The following ZNF385D variants were observed in gnomAD, a reference collection of about 807,000 sequenced individuals.
The protein encoded by ZNF385D is zinc finger protein 385D.
ZNF385D carries 15 observed loss-of-function variants against 35.8 expected under a neutral mutation model. The observed-to-expected ratio is 0.42, with a 90% CI of 0.28 to 0.64. ZNF385D has a LOEUF of 0.64. Among genes scored for constraint, ZNF385D ranks in the 30% least tolerant of loss-of-function variants. ZNF385D has a pLI of 0.23. For missense variants in ZNF385D, 474 were observed against 494.6 expected (o/e 0.96, Z 0.39); for synonymous variants, 212 against 186.8 (o/e 1.13, Z -1.10).
chr3:21,944,917 G>T (rs1701700586), intron 3 of ZNF385D, among the ~76,000 whole-genome samples: 1 of 152,034 alleles, frequency 6.6e-6, no homozygotes, highest in Non-Finnish European at 1.5e-5. Flanking sequence ...GAGCAGTACA[G>T]TTGAGTACTT....
At chr3:22,272,227 C>T (rs115851617) in intron 2 of ZNF385D, among the ~76,000 whole-genome samples, 1 of 152,030 alleles carries the variant, frequency 6.6e-6, no homozygotes, top group Admixed American at 6.6e-5. Flanking sequence ...TCCTGACCAC[C>T]TTATCCTTTA....
chr3:22,039,859 C>G (rs1576207465), intron 3 of ZNF385D, among the ~76,000 whole-genome samples: 2 of 152,118 alleles, frequency 1.3e-5, no homozygotes, highest in African/African-American at 4.8e-5. Context: ...CCACCCTTTT[C>G]TATGACTGAA....
chr3:22,349,299 A>G (rs927913227), intron 2 of ZNF385D, among the ~76,000 whole-genome samples: 1 of 152,206 alleles, frequency 6.6e-6, no homozygotes, highest in Non-Finnish European at 1.5e-5. Context: ...TAATTACAGT[A>G]TGAATTACTT....
At chr3:22,037,464 G>C (rs1698401173) in intron 3 of ZNF385D, among the ~76,000 whole-genome samples, 1 of 152,108 alleles carries the variant, frequency 6.6e-6, no homozygotes. Context: ...GATGGCCAGT[G>C]ATGATGAGCA....
intron 3 of ZNF385D, among the ~76,000 whole-genome samples, chr3:21,889,184 C>G (rs993903577): frequency 1.3e-5 from 2 of 152,154 alleles, no homozygotes; most frequent in African/African-American, 4.8e-5. Context: ...TAGAGAATAC[C>G]TGAAGCAGCT....
At chr3:22,317,720 T>C (rs966794512) in intron 2 of ZNF385D, among the ~76,000 whole-genome samples, 5 of 152,186 alleles carry the variant, frequency 3.3e-5, no homozygotes, top group Non-Finnish European at 5.9e-5. Context: ...GTCTGTAATT[T>C]TCCCCCATGC....
chr3:21,949,554 C>CTTTTTTTTTTTTTCTTTCTTTTTTTTTTT (rs1701960894), intron 3 of ZNF385D, among the ~76,000 whole-genome samples: 1 of 112,914 alleles, frequency 8.9e-6, no homozygotes, highest in Non-Finnish European at 1.8e-5. Context: ...TTCTTTCTTT[C>CTTTTTTTTTTTTTCTTTCTTTTTTTTTTT]TTTTTTTTTT....
At chr3:21,889,593 GA>G (rs1157567803) in intron 3 of ZNF385D, among the ~76,000 whole-genome samples, 2 of 151,720 alleles carry the variant, frequency 1.3e-5, no homozygotes, top group South Asian at 2.1e-4. Context: ...ACTTTCTTCA[GA>G]AAAAAAACTG....
chr3:21,807,056 G>A (rs2072683465), intron 3 of ZNF385D, among the ~76,000 whole-genome samples: 1 of 151,988 alleles, frequency 6.6e-6, no homozygotes, highest in African/African-American at 2.4e-5. Flanking sequence ...CCAGAAGAGA[G>A]AAAGAAGGAG....
At chr3:21,630,345 A>T (rs1402292239) in intron 2 of ZNF385D, among the ~76,000 whole-genome samples, 1 of 151,886 alleles carries the variant, frequency 6.6e-6, no homozygotes, top group East Asian at 1.9e-4. Context: ...AGCTGGGATT[A>T]CAGGCATGTG....
chr3:22,198,907 G>A (rs1183127304), intron 2 of ZNF385D, among the ~76,000 whole-genome samples: 1 of 152,074 alleles, frequency 6.6e-6, no homozygotes, highest in Non-Finnish European at 1.5e-5. Context: ...CTGAAGGAGT[G>A]AGCAGCAACT....
chr3:22,057,237 A>AT (rs1205330889), intron 3 of ZNF385D, among the ~76,000 whole-genome samples: 1 of 152,224 alleles, frequency 6.6e-6, no homozygotes, highest in African/African-American at 2.4e-5. Flanking sequence ...GCCTCAGTTT[A>AT]TCTGTTTATG....
At chr3:22,222,023 C>A (rs796990207) in intron 2 of ZNF385D, among the ~76,000 whole-genome samples, 2 of 151,972 alleles carry the variant, frequency 1.3e-5, no homozygotes, top group African/African-American at 2.4e-5. Flanking sequence ...ATCGTCCAGG[C>A]TGGAGTGCAG....
intron 3 of ZNF385D, among the ~76,000 whole-genome samples, chr3:21,894,400 G>C (rs1379770646): frequency 6.6e-6 from 1 of 152,084 alleles, no homozygotes; most frequent in Admixed American, 6.6e-5. Context: ...AAATTTTTGA[G>C]CAAATGTTTG....
intron 1 of ZNF385D, among the ~76,000 whole-genome samples, chr3:21,718,633 T>C (rs2068420630): frequency 6.6e-6 from 1 of 152,232 alleles, no homozygotes; most frequent in Non-Finnish European, 1.5e-5. Flanking sequence ...CTAAATAGCT[T>C]GTTAGTGGCA....
intron 2 of ZNF385D, among the ~76,000 whole-genome samples, chr3:22,247,122 A>C (rs1699826585): frequency 6.6e-6 from 1 of 152,138 alleles, no homozygotes; most frequent in Admixed American, 6.6e-5. Flanking sequence ...TCAGGAAGTA[A>C]AACTATACTG....
intron 6 of ZNF385D, among the ~76,000 whole-genome samples, chr3:21,424,318 T>TATATATATATATATATA (rs375587956): frequency 2.4e-5 from 1 of 41,842 alleles, no homozygotes; most frequent in African/African-American, 1.0e-4. Flanking sequence ...TATATATATA[T>TATATATATATATATATA]TTTTTTTTTT....
intron 2 of ZNF385D, among the ~76,000 whole-genome samples, chr3:22,254,035 A>G (rs928078304): frequency 4.6e-5 from 7 of 151,958 alleles, no homozygotes; most frequent in Admixed American, 3.9e-4. Context: ...TTATTCTTGT[A>G]TGTTAAAGAA....
rs184176676 is a variant in ZNF385D, at chr3:22,222,616, G to C, written c.107-53581C>G. 1.5e-4 allele frequency among the ~76,000 whole-genome samples: 23 copies of C among 152,240 alleles called. 1 individual carries two copies. Among genetic ancestry groups the C allele is most frequent in the Admixed American group, 1.5e-3 (23 of 15,288 alleles). Reference sequence around the variant, plus strand: ...CAATGGACTAGCTATACGACTGTGGGGAAGCTACTTACTGCTCTGAAGCTC... The same window carrying C: ...CAATGGACTAGCTATACGACTGTGGCGAAGCTACTTACTGCTCTGAAGCTC... On this transcript the variant is annotated intron_variant, in intron 2 of 5. Coordinates refer to the ZNF385D transcript ENST00000494108.
Sources: allele counts gnomAD v4.1 joint callset (sites outside exome capture counted in the v4.1 genomes callset), GRCh38; gene constraint gnomAD v4.1.1; transcripts MANE v1.5; gene names NCBI Gene and HGNC (gene_info 2026-07-23, HGNC 2026-07-21).